The following VCPKMT variants were observed in gnomAD, a reference collection of about 807,000 sequenced individuals.
VCPKMT encodes the protein valosin containing protein lysine methyltransferase, also known as protein N-lysine methyltransferase METTL21D.
Under a neutral mutation model 28.6 loss-of-function variants are expected in VCPKMT, and 32 were observed. The ratio of observed to expected loss-of-function variants is 1.12; its 90% CI spans 0.84 to 1.50. The LOEUF (loss-of-function observed/expected upper bound fraction) is 1.50, where lower values mean the gene tolerates loss of function less well. Ranked by LOEUF, VCPKMT falls within the 40% of genes most tolerant of loss-of-function variation. VCPKMT has a pLI of 0.00. For synonymous variants in VCPKMT, 138 were observed against 111.4 expected (o/e 1.24, Z -1.50); for missense variants, 366 against 285.0 (o/e 1.28, Z -2.05).
downstream of VCPKMT, among the ~76,000 whole-genome samples, chr14:50,105,741 C>A (rs1170812230): frequency 1.3e-5 from 2 of 152,284 alleles, no homozygotes; most frequent in South Asian, 4.1e-4. Context: ...AGTTATGCAA[C>A]CTCAAAGATG....
At chr14:50,103,717 A>G (rs187526511), downstream of VCPKMT, among the ~76,000 whole-genome samples, 2 of 152,336 alleles carry the variant, frequency 1.3e-5, no homozygotes, top group East Asian at 3.9e-4. Context: ...TTATTTGTTT[A>G]AATAACAGTA....
downstream of VCPKMT, chr14:50,106,664 T>C (rs2139424351): frequency 1.0e-6 from 1 of 983,204 alleles, no homozygotes; most frequent in African/African-American, 1.7e-5. Context: ...GAAATACTGG[T>C]CTCCCATACT....
In VCPKMT at chr14:50,116,133, T is replaced by G; in HGVS notation, c.313A>C (p.Lys105Gln). The change falls in exon 2 of 6, where the codon AAG becomes CAG. Residue 105 changes from lysine to glutamine, a missense_variant. Physicochemically the swap from Lys to Gln is moderately conservative, Grantham distance 53. Transcript: ENST00000395860. ...TGCTTGTTCATATTAATATTCATCTTCAGCAAGTCTTGCAATTCCTCAAGA... is the reference window on the plus strand; with the variant it reads ...TGCTTGTTCATATTAATATTCATCTGCAGCAAGTCTTGCAATTCCTCAAGA... ...TDLEELQDLL[K>Q]MNINMNKHLV... 6.2e-7 allele frequency: 1 copy of G among 1,614,142 alleles called. No homozygotes were observed. Among genetic ancestry groups the G allele is most frequent in the Non-Finnish European group, 8.5e-7 (1 of 1,180,032 alleles).
At chr14:50,111,648 T>C (rs1020250990) in intron 5 of VCPKMT, 70 of 982,018 alleles carry the variant, frequency 7.1e-5, no homozygotes, top group Non-Finnish European at 7.7e-5. Context: ...GAGGCCGAGG[T>C]GGGCAGGTCA....
intron 5 of VCPKMT, chr14:50,111,888 CAAA>C: frequency 1.1e-6 from 1 of 927,266 alleles, no homozygotes; most frequent in Non-Finnish European, 1.3e-6. Context: ...GACCCTATTT[CAAA>C]AAAAAAAAAG....
chr14:50,113,052 C>G lies in VCPKMT; in HGVS notation c.571-333G>C, dbSNP rs1019166979. On this transcript the variant is annotated intron_variant, in intron 4 of 5. Transcript: ENST00000395860. ...CTGCCCATCTCGGCCTCCCAAAGTG[C>G]TGGGATTACAGGCGTGAGCCACCGC... is the stretch of plus-strand genomic sequence containing the variant. 3.9e-5 allele frequency among the ~76,000 whole-genome samples: 6 copies of G among 152,194 alleles called. 1 individual carries two copies. The highest frequency in any genetic ancestry group is 1.3e-4 in the Admixed American group (2 of 15,286).
intron 5 of VCPKMT, chr14:50,112,004 A>T (rs1882692630): frequency 1.0e-6 from 1 of 985,214 alleles, no homozygotes; most frequent in Non-Finnish European, 1.2e-6. Flanking sequence ...ACATGCACCA[A>T]GAAGCGGGAA....
At chr14:50,102,792 GAATT>G in the VCPKMT span, among the ~76,000 whole-genome samples, 26 of 152,270 alleles carry the variant, frequency 1.7e-4, no homozygotes, top group African/African-American at 2.4e-4. Context: ...TAAAAAATGT[GAATT>G]AATTCAACAA....
At chr14:50,115,003 T>C (rs1211834471) in intron 3 of VCPKMT, among the ~76,000 whole-genome samples, 1 of 152,242 alleles carries the variant, frequency 6.6e-6, no homozygotes, top group Non-Finnish European at 1.5e-5. Flanking sequence ...TCAACCTTAC[T>C]CTTAAAAGTT....
intron 5 of VCPKMT, chr14:50,111,166 A>AG (rs1882626423): frequency 1.1e-5 from 6 of 551,440 alleles, no homozygotes; most frequent in African/African-American, 2.3e-5. Context: ...AAAAAATAAG[A>AG]GTTTTTTTTT....
chr14:50,112,663 C>A lies in VCPKMT; in HGVS notation c.627G>T (p.Glu209Asp). 6.3e-7 allele frequency: 1 copy of A among 1,575,954 alleles called. No homozygotes were observed. Among genetic ancestry groups the A allele is most frequent in the Non-Finnish European group, 8.6e-7 (1 of 1,157,746 alleles). Residue 209 changes from glutamate to aspartate, a missense_variant, in exon 5 of 6, where the codon GAG becomes GAT. Glu to Asp is a conservative substitution (Grantham distance 45). Transcript: ENST00000395860. Reference protein sequence around the residue: ...EKIPLEKHDEEYRSEDIHIIY... With the variant: ...EKIPLEKHDEDYRSEDIHIIY... ...TAATATGAATATCTTCACTTCGATA[C>A]TCTTCATCATGTTTTTCCAAAGGAA...
Position 50,115,818 on chromosome 14 carries a change from CTT to C in VCPKMT, c.450+19_450+20del, listed in dbSNP as rs765188594. ...AAGGTTCATCTTCTAAGTGAAGAGA[CTT>C]CGCTCACTGGATACTTACCTCTTCA... On this transcript the variant is annotated intron_variant, in intron 3 of 5. Transcript: ENST00000395860. 2.5e-6 allele frequency: 4 copies of C among 1,588,568 alleles called. No homozygotes were observed. The highest frequency in any genetic ancestry group is 1.7e-4 in the Middle Eastern group (1 of 5,992).
At chr14:50,103,165 C>T in the VCPKMT span, among the ~76,000 whole-genome samples, 2 of 152,326 alleles carry the variant, frequency 1.3e-5, no homozygotes, top group East Asian at 3.9e-4. Flanking sequence ...TGAAGTAAAG[C>T]CTATGTGCCA....
At chr14:50,108,183 C>A (rs1327604761), downstream of VCPKMT, among the ~76,000 whole-genome samples, 4 of 112,994 alleles carry the variant, frequency 3.5e-5, no homozygotes, top group African/African-American at 7.1e-5. Flanking sequence ...CAGAACAAAA[C>A]CCTGTCTCAA....
At chr14:50,114,519 A>G (rs1461048769) in intron 3 of VCPKMT, 115 bp from the exon 4 acceptor site, 1 of 713,224 alleles carries the variant, frequency 1.4e-6, no homozygotes, top group Non-Finnish European at 2.1e-6. Flanking sequence ...CCATCTTTGA[A>G]TCAATCCAAC....
rs768100192 is a variant in VCPKMT, at chr14:50,112,673, T to C, written c.617A>G (p.His206Arg). 17 of 1,577,006 alleles carry C rather than the reference T, an allele frequency of 1.1e-5. No homozygotes were observed. In the East Asian group the frequency reaches 3.6e-4, roughly 34 times the overall value. Residue 206 changes from histidine (H) to arginine (R), a missense_variant, in exon 5 of 6, where the codon CAT (histidine) becomes CGT (arginine). Transcript: ENST00000395860. ...ATCTTCACTTCGATACTCTTCATCA[T>C]GTTTTTCCAAAGGAATTTTTTCAAA... Reference protein sequence around the residue: ...FDFEKIPLEKHDEEYRSEDIH... With the variant: ...FDFEKIPLEKRDEEYRSEDIH...
the VCPKMT span, among the ~76,000 whole-genome samples, chr14:50,102,998 C>T: frequency 2.6e-5 from 4 of 152,322 alleles, no homozygotes; most frequent in South Asian, 2.1e-4. Flanking sequence ...CATCTTTGAA[C>T]GTGGACTAAC....
chr14:50,106,040 A>C (rs1594930054), downstream of VCPKMT, among the ~76,000 whole-genome samples: 2 of 151,750 alleles, frequency 1.3e-5, no homozygotes, highest in South Asian at 4.1e-4. Context: ...TGCTTTTTAT[A>C]TACTTTCTTC....
At chr14:50,112,588 G>A (rs1382748158) in intron 5 of VCPKMT, 27 bp downstream of exon 5, 3 of 1,414,712 alleles carry the variant, frequency 2.1e-6, no homozygotes, top group Admixed American at 4.0e-5. Flanking sequence ...CCTCCTTGGA[G>A]AATGAAGAAC....
Sources: gnomAD v4.1 joint callset for allele counts (sites outside exome capture counted in the v4.1 genomes callset) on GRCh38, gnomAD v4.1.1 for gene constraint, MANE v1.5 for transcripts, NCBI Gene and HGNC (gene_info 2026-07-23, HGNC 2026-07-21) for gene names.